The following NALF1 variants were observed in gnomAD, a reference collection of about 807,000 sequenced individuals.
NALF1 encodes family with sequence similarity 155 member A.
NALF1 carries 3 observed loss-of-function variants against 48.4 expected under a neutral mutation model. The ratio of observed to expected loss-of-function variants is 0.06; its 90% confidence interval spans 0.03 to 0.16. The LOEUF (loss-of-function observed/expected upper bound fraction) is 0.16. Ranked by LOEUF, NALF1 falls within the 10% of genes least tolerant of loss-of-function variation. The pLI is 1.00. For missense variants in NALF1, 526 were observed against 571.5 expected (o/e 0.92, Z 0.81); for synonymous variants, 262 against 245.7 (o/e 1.07, Z -0.62).
intron 1 of NALF1, among the ~76,000 whole-genome samples, chr13:107,346,349 G>A (rs148968926): frequency 2.6e-5 from 4 of 152,180 alleles, no homozygotes; most frequent in African/African-American, 9.6e-5. Flanking sequence ...AGCATTATAC[G>A]CAATATCCAA....
chr13:107,413,945 C>T (rs1351771539), intron 1 of NALF1, among the ~76,000 whole-genome samples: 1 of 152,054 alleles, frequency 6.6e-6, no homozygotes, highest in Admixed American at 6.5e-5. Flanking sequence ...CACCACCACG[C>T]CCAGGTAATT....
At chr13:107,646,011 A>T (rs952617367) in intron 1 of NALF1, among the ~76,000 whole-genome samples, 5 of 152,114 alleles carry the variant, frequency 3.3e-5, no homozygotes, top group Non-Finnish European at 4.4e-5. Flanking sequence ...CAATCAGCAA[A>T]TCACACTATG....
chr13:107,351,362 C>T (rs981548903), intron 1 of NALF1, among the ~76,000 whole-genome samples: 1 of 152,130 alleles, frequency 6.6e-6, no homozygotes, highest in East Asian at 1.9e-4. Flanking sequence ...CAGAAATGCG[C>T]GAAGGAGAGG....
intron 1 of NALF1, among the ~76,000 whole-genome samples, chr13:107,255,671 T>C (rs1239454739): frequency 6.6e-6 from 1 of 152,246 alleles, no homozygotes; most frequent in Admixed American, 6.5e-5. Flanking sequence ...ATACATTATA[T>C]ACAGTATCTA....
intron 1 of NALF1, among the ~76,000 whole-genome samples, chr13:107,581,237 A>G (rs1207517969): frequency 6.6e-6 from 1 of 152,164 alleles, no homozygotes; most frequent in Non-Finnish European, 1.5e-5. Context: ...TCTTCTTGGT[A>G]TTATGCAAAT....
intron 1 of NALF1, among the ~76,000 whole-genome samples, chr13:107,231,066 A>AAG (rs1248796259): frequency 6.7e-6 from 1 of 149,202 alleles, no homozygotes; most frequent in Non-Finnish European, 1.5e-5. Flanking sequence ...GCCAAAAAAA[A>AAG]AAAAAAAAAA....
intron 1 of NALF1, among the ~76,000 whole-genome samples, chr13:107,767,684 A>G (rs1016127619): frequency 5.9e-5 from 9 of 152,198 alleles, no homozygotes; most frequent in African/African-American, 1.2e-4. Flanking sequence ...ATATTTCACT[A>G]AAGTATCACA....
At chr13:107,702,474 T>C (rs1351311939) in intron 1 of NALF1, among the ~76,000 whole-genome samples, 1 of 151,920 alleles carries the variant, frequency 6.6e-6, no homozygotes, top group Admixed American at 6.6e-5. Context: ...TTGAATTATA[T>C]ATTTTAGAAA....
At chr13:107,280,526 T>G (rs184823460) in intron 1 of NALF1, among the ~76,000 whole-genome samples, 22 of 152,318 alleles carry the variant, frequency 1.4e-4, no homozygotes, top group African/African-American at 5.1e-4. Flanking sequence ...TGCAAACATT[T>G]TTTGATTAAC....
rs1460037179 is a variant in NALF1, at chr13:107,782,773, T to C, written c.915+82909A>G. Among the ~76,000 whole-genome samples the C allele has an allele frequency of 4.7e-5, 7 of 149,338 alleles. 1 individual carries two copies. The highest frequency in any genetic ancestry group is 2.0e-4 in the Admixed American group (3 of 15,100). On this transcript the variant is annotated intron_variant, in intron 1 of 2. Coordinates refer to ENST00000375915, the MANE Select transcript of NALF1 (RefSeq NM_001080396.3). ...CCGTCTGGGAGGTGAGGAGCGTCTC[T>C]GCCCAGCCGCCCCATCTGAGAAGGG...
In NALF1 at chr13:107,665,428, A is replaced by G. The variant is rs146609122; in HGVS notation, c.915+200254T>C. ...TAGTTTTGTTTTTGTTTTTTACAAT[A>G]CAGGCACTGTAAGTATTGTACCTAA... On this transcript the variant is annotated intron_variant, in intron 1 of 2. Transcript: ENST00000375915. Among the ~76,000 whole-genome samples, 481 of 152,282 alleles carry G rather than the reference A, an allele frequency of 3.2e-3. 3 individuals are homozygous for G. Among genetic ancestry groups the G allele is most frequent in the Middle Eastern group, 0.017 (5 of 294 alleles).
intron 1 of NALF1, among the ~76,000 whole-genome samples, chr13:107,697,354 A>G (rs1324021648): frequency 6.6e-6 from 1 of 152,144 alleles, no homozygotes; most frequent in East Asian, 1.9e-4. Context: ...TTTGCCAAGT[A>G]TCTAATTTAA....
Position 107,734,809 on chromosome 13 carries a change from C to T in NALF1, c.915+130873G>A, listed in dbSNP as rs114588545. Among the ~76,000 whole-genome samples, 1,500 of 152,162 alleles carry T rather than the reference C, an allele frequency of 9.9e-3. 30 individuals are homozygous for T. The highest frequency in any genetic ancestry group is 0.035 in the African/African-American group (1,433 of 41,514). ...GATGATAACTACCATTGACAGTATA[C>T]GCACCATATACTAAGAATTTGTATG... On this transcript the variant is annotated intron_variant, in intron 1 of 2. Transcript: ENST00000375915.
At chr13:107,205,360 A>T (rs1879615374) in intron 2 of NALF1, among the ~76,000 whole-genome samples, 1 of 152,132 alleles carries the variant, frequency 6.6e-6, no homozygotes, top group Non-Finnish European at 1.5e-5. Flanking sequence ...GTGAGATGCC[A>T]AACATTTAAA....
intron 1 of NALF1, among the ~76,000 whole-genome samples, chr13:107,238,585 G>T (rs1401491867): frequency 3.9e-5 from 6 of 152,314 alleles, no homozygotes; most frequent in African/African-American, 1.4e-4. Context: ...GCAAGTTCAA[G>T]ATGCCTCATC....
chr13:107,616,878 G>A (rs1879394227), intron 1 of NALF1, among the ~76,000 whole-genome samples: 2 of 152,116 alleles, frequency 1.3e-5, no homozygotes, highest in African/African-American at 4.8e-5. Context: ...AAACACTCAG[G>A]TGCTGTCTGT....
In NALF1 at chr13:107,164,384, A is replaced by G. The variant is rs1167582481; in HGVS notation, c.*6113T>C. The G allele has an allele frequency of 2.0e-5, 3 of 152,130 alleles. No individual in the cohort carries two copies. Among genetic ancestry groups the G allele is most frequent in the African/African-American group, 7.2e-5 (3 of 41,436 alleles). The allele number at this position is 152,130 out of a possible 1,614,324, so 9.4% of individuals were successfully genotyped here. On this transcript the variant is annotated 3_prime_UTR_variant, in exon 3 of 3. Coordinates refer to ENST00000375915, the MANE Select transcript of NALF1 (RefSeq NM_001080396.3). The stretch of plus-strand genomic sequence containing the variant: ...TATAATAATTATAGTGTTAATTAAA[A>G]TATATATTAATTCAGTTTAATTAAT...
chr13:107,192,297 A>T (rs548627069), intron 2 of NALF1, among the ~76,000 whole-genome samples: 58 of 152,330 alleles, frequency 3.8e-4, no homozygotes, highest in Non-Finnish European at 7.3e-4. Flanking sequence ...CGGATGAATA[A>T]CATGCACTGA....
At chr13:107,759,584 A>G (rs1877208668) in intron 1 of NALF1, among the ~76,000 whole-genome samples, 1 of 152,064 alleles carries the variant, frequency 6.6e-6, no homozygotes, top group Non-Finnish European at 1.5e-5. Context: ...CAAGAGACAG[A>G]CTGGTTTTGT....
Sources: allele counts gnomAD v4.1 joint callset (sites outside exome capture counted in the v4.1 genomes callset), GRCh38; gene constraint gnomAD v4.1.1; transcripts MANE v1.5; gene names NCBI Gene and HGNC (gene_info 2026-07-23, HGNC 2026-07-21).